TDP1: variants seen among roughly 807,000 people sequenced by gnomAD.
TDP1 encodes the protein tyr-DNA phosphodiesterase 1.
In TDP1, 64 loss-of-function variants were observed where a neutral mutation model predicts 81.5. The ratio of observed to expected loss-of-function variants is 0.79; its 90% CI spans 0.64 to 0.97. The LOEUF (loss-of-function observed/expected upper bound fraction) is 0.97. Among genes scored for constraint, TDP1 ranks in the 50% least tolerant of loss-of-function variants. The pLI, the probability that TDP1 is intolerant of heterozygous loss-of-function variation, is 0.00. For missense variants in TDP1, 723 were observed against 743.8 expected (o/e 0.97, Z 0.33); for synonymous variants, 256 against 264.3 (o/e 0.97, Z 0.30).
intron 11 of TDP1, 105 bp downstream of exon 11, chr14:89,989,195 C>A: frequency 4.7e-5 from 35 of 748,566 alleles, no homozygotes; most frequent in East Asian, 1.7e-4. Context: ...TTCTGTGATT[C>A]TTTTTTTTTT....
intron 5 of TDP1, among the ~76,000 whole-genome samples, chr14:89,969,872 A>ATTTTTTT (rs1566852774): frequency 1.3e-5 from 1 of 79,452 alleles, no homozygotes; most frequent in Admixed American, 1.7e-4. Flanking sequence ...AAATATACTT[A>ATTTTTTT]TTTCTTTTTT....
chr14:90,019,120 A>G (rs1885662806), intron 14 of TDP1, 196 bp from the exon 15 acceptor site: 1 of 977,332 alleles, frequency 1.0e-6, no homozygotes, highest in Non-Finnish European at 1.2e-6. Flanking sequence ...CCAAATTAGC[A>G]ATTAGATAAA....
Position 89,963,640 on chromosome 14 carries a change from C to G in TDP1, c.526C>G (p.Pro176Ala), listed in dbSNP as rs1435033981. The change falls in exon 3 of 17, where the codon CCA (proline) becomes GCA (alanine). Residue 176 changes from proline (P) to alanine (A), a missense_variant. Pro to Ala is a conservative substitution (Grantham distance 27, BLOSUM62 -1). Coordinates refer to ENST00000335725, the MANE Select transcript of TDP1 (RefSeq NM_018319.4). The stretch of plus-strand genomic sequence containing the variant: ...CCTCACTAGAGTCTCTGGAGTTAAG[C>G]CAAAGTATAACTCTGGAGCCCTCCA... ...FYLTRVSGVKPKYNSGALHIK... is the reference protein window; with the variant it reads ...FYLTRVSGVKAKYNSGALHIK... 1 of 1,614,054 alleles carries G rather than the reference C, an allele frequency of 6.2e-7. No homozygotes were observed. Among genetic ancestry groups the G allele is most frequent in the Middle Eastern group, 1.7e-4 (1 of 6,060 alleles).
At chr14:89,984,852 C>T in intron 9 of TDP1, 169 bp downstream of exon 9, 1 of 985,398 alleles carries the variant, frequency 1.0e-6, no homozygotes, top group Non-Finnish European at 1.2e-6. Context: ...TTGTGGTTCT[C>T]AGGCATTAAA....
intron 4 of TDP1, chr14:89,967,067 A>G (rs1893026586): frequency 1.0e-6 from 1 of 985,158 alleles, no homozygotes; most frequent in South Asian, 4.7e-5. Context: ...TCTCAGGGCC[A>G]TTAGACATAA....
chr14:89,965,639 A>G (rs1047492806), intron 3 of TDP1: 2 of 288,834 alleles, frequency 6.9e-6, no homozygotes, highest in Non-Finnish European at 1.0e-5. Context: ...ATGACCAGGA[A>G]CACCAGGAAT....
chr14:90,031,149 G>A (rs1317901345), intron 15 of TDP1, among the ~76,000 whole-genome samples: 1 of 151,452 alleles, frequency 6.6e-6, no homozygotes, highest in Non-Finnish European at 1.5e-5. Context: ...GGGTACATGT[G>A]CACAATGTGC....
intron 16 of TDP1, among the ~76,000 whole-genome samples, chr14:90,036,522 G>T (rs1390527773): frequency 1.3e-5 from 2 of 152,186 alleles, no homozygotes; most frequent in Non-Finnish European, 2.9e-5. Flanking sequence ...AATGCAAGAG[G>T]CTGCCAGATA....
chr14:89,977,402 A>G (rs944299223), intron 7 of TDP1, among the ~76,000 whole-genome samples: 2 of 152,062 alleles, frequency 1.3e-5, no homozygotes, highest in Admixed American at 1.3e-4. Context: ...GGTTCAAGCA[A>G]TTCTCTTGCC....
chr14:90,004,597 G>A (rs895094633), intron 14 of TDP1, among the ~76,000 whole-genome samples: 1 of 152,206 alleles, frequency 6.6e-6, no homozygotes, highest in African/African-American at 2.4e-5. Context: ...CAGATAGTCT[G>A]ATGTGACTGT....
chr14:89,962,193 TTA>T (rs1396766018), intron 2 of TDP1, among the ~76,000 whole-genome samples: 2 of 152,230 alleles, frequency 1.3e-5, no homozygotes, highest in Admixed American at 1.3e-4. Flanking sequence ...AATAGGATAA[TTA>T]TATCTTGATA....
intron 14 of TDP1, among the ~76,000 whole-genome samples, chr14:90,008,337 C>T (rs1462210180): frequency 6.6e-6 from 1 of 152,100 alleles, no homozygotes; most frequent in African/African-American, 2.4e-5. Flanking sequence ...GTTTTGTTTT[C>T]AGCTGTGACT....
intron 12 of TDP1, among the ~76,000 whole-genome samples, chr14:89,989,966 C>G (rs1896000298): frequency 6.6e-6 from 1 of 152,130 alleles, no homozygotes; most frequent in Non-Finnish European, 1.5e-5. Flanking sequence ...TTACAGAAAC[C>G]CTCTGCACAA....
At chr14:90,017,148 C>A (rs761650247) in intron 14 of TDP1, among the ~76,000 whole-genome samples, 1 of 151,920 alleles carries the variant, frequency 6.6e-6, no homozygotes, top group African/African-American at 2.4e-5. Context: ...AGCAAGAGAC[C>A]CCTGTGGTGT....
rs891426569 is a variant in TDP1 at position 89,963,060 on chromosome 14, A to G, written c.-7-48A>G. 9 of 1,613,762 alleles carry G rather than the reference A, an allele frequency of 5.6e-6. No homozygotes were observed. The African/African-American group carries it at 1.2e-4, about 22-fold the overall frequency. The stretch of plus-strand genomic sequence containing the variant: ...TGAGAGCAATAAAGTTATTTTGCCA[A>G]TGCCCTGATGAATGGGAAATGCTGA... On this transcript the variant is annotated intron_variant, in intron 2 of 16. Transcript: ENST00000335725.
chr14:90,014,500 C>G (rs559919609), intron 14 of TDP1, among the ~76,000 whole-genome samples: 10 of 152,290 alleles, frequency 6.6e-5, no homozygotes, highest in South Asian at 4.1e-4. Context: ...TGCTTGGTCT[C>G]CATCTTCTCC....
At position 90,022,518 on chromosome 14, in the gene TDP1, C is replaced by T. The variant is rs530866556; in HGVS notation, c.1644+3100C>T. 9.2e-5 allele frequency among the ~76,000 whole-genome samples: 14 copies of T among 152,192 alleles called. 1 individual carries two copies. Among genetic ancestry groups the T allele is most frequent in the Admixed American group, 6.5e-4 (10 of 15,294 alleles). On this transcript the variant is annotated intron_variant, in intron 15 of 16. Transcript: ENST00000335725. ...TCCATGACTCAGGACTCTCCCAGCTCCATTCCCGGAGAAAGAGCCTGTTTC... is the reference window on the plus strand; with the variant it reads ...TCCATGACTCAGGACTCTCCCAGCTTCATTCCCGGAGAAAGAGCCTGTTTC...
chr14:89,975,591 T>C (rs1017997995), intron 6 of TDP1, 190 bp from the exon 7 acceptor site: 1 of 732,904 alleles, frequency 1.4e-6, no homozygotes, highest in African/African-American at 1.9e-5. Context: ...GTTTTTTTTT[T>C]TTTTTTTTTT....
Position 89,971,218 on chromosome 14 carries a change from A to G in TDP1, c.703A>G (p.Lys235Glu), listed in dbSNP as rs143744863. The change falls in exon 6 of 17, where the codon AAG becomes GAG. Residue 235 changes from lysine to glutamate, a missense_variant. Coordinates refer to ENST00000335725, the MANE Select transcript of TDP1 (RefSeq NM_018319.4). The part of the protein sequence containing the change: ...LLVHGDKREA[K>E]AHLHAQAKPY... Reference sequence around the variant, plus strand: ...TGTGCATGGTGATAAGCGAGAGGCTAAGGCTCACCTCCATGCCCAGGCCAA... The same window carrying G: ...TGTGCATGGTGATAAGCGAGAGGCTGAGGCTCACCTCCATGCCCAGGCCAA... The G allele has an allele frequency of 6.2e-6, 10 of 1,614,034 alleles. No homozygotes were observed. The highest frequency in any genetic ancestry group is 1.6e-4 in the Middle Eastern group (1 of 6,084).
Sources: gnomAD v4.1 joint callset for allele counts (sites outside exome capture counted in the v4.1 genomes callset) on GRCh38, gnomAD v4.1.1 for gene constraint, MANE v1.5 for transcripts, NCBI Gene and HGNC (gene_info 2026-07-23, HGNC 2026-07-21) for gene names.